MYT1L: variants seen among roughly 807,000 people sequenced by gnomAD.
MYT1L encodes myelin transcription factor 1 like, also known as myelin transcription factor 1-like protein.
Under a neutral mutation model 126.7 loss-of-function variants are expected in MYT1L, and 12 were observed. That is an observed-to-expected ratio of 0.09 (90% CI 0.06 to 0.15). The LOEUF (loss-of-function observed/expected upper bound fraction) is 0.15. Among genes scored for constraint, MYT1L ranks in the 10% least tolerant of loss-of-function variants. The pLI, the probability that MYT1L is intolerant of heterozygous loss-of-function variation, is 1.00. For synonymous variants in MYT1L, 541 were observed against 604.2 expected (o/e 0.90, Z 1.53); for missense variants, 979 against 1,585.2 (o/e 0.62, Z 6.49).
In MYT1L at chr2:2,117,446, T is replaced by C. The variant is rs927318651; in HGVS notation, c.-304+55426A>G. ...ATCACCGGGACTTCAGTGGGCATCG[T>C]TGGATCAGCAGGCGGACCGCCGTGT... is the stretch of plus-strand genomic sequence containing the variant. On this transcript the variant is annotated intron_variant, in intron 3 of 24. Transcript: ENST00000647738. 2.6e-5 allele frequency among the ~76,000 whole-genome samples: 4 copies of C among 152,208 alleles called. No homozygotes were observed. The East Asian group carries it at 7.8e-4, about 30-fold the overall frequency.
intron 5 of MYT1L, among the ~76,000 whole-genome samples, chr2:1,980,961 C>A (rs982422749): frequency 7.2e-5 from 11 of 152,148 alleles, no homozygotes; most frequent in Admixed American, 5.2e-4. Context: ...ACAGGGCACA[C>A]CAAAGCCACT....
chr2:1,981,016 A>G (rs1048076325), intron 5 of MYT1L, among the ~76,000 whole-genome samples: 2 of 151,958 alleles, frequency 1.3e-5, no homozygotes, highest in Non-Finnish European at 2.9e-5. Flanking sequence ...AGTGAAGAAG[A>G]CTCATTAGAT....
intron 3 of MYT1L, among the ~76,000 whole-genome samples, chr2:2,098,606 C>T (rs1284522612): frequency 1.3e-5 from 2 of 152,290 alleles, no homozygotes; most frequent in East Asian, 3.9e-4. Context: ...GCCAGGGGTC[C>T]TGCTAAACGC....
Position 2,297,619 on chromosome 2 carries a change from G to A in MYT1L, c.-520-13116C>T, listed in dbSNP as rs1479320560. 3.9e-5 allele frequency among the ~76,000 whole-genome samples: 6 copies of A among 152,142 alleles called. No homozygotes were observed. In the East Asian group the frequency reaches 9.6e-4, roughly 24 times the overall value. On this transcript the variant is annotated intron_variant, in intron 1 of 24. Coordinates refer to ENST00000647738, the MANE Select transcript of MYT1L (RefSeq NM_001303052.2). ...GCCTGTCTCCACTCTCCCCTTGGCC[G>A]TGCCAACAGTTGCATGTGCCACTCA...
chr2:1,822,603 C>T (rs2038708001), intron 21 of MYT1L, among the ~76,000 whole-genome samples: 1 of 152,206 alleles, frequency 6.6e-6, no homozygotes, highest in Admixed American at 6.5e-5. Flanking sequence ...AGCCTGTGTC[C>T]TTCGAGAGGG....
At chr2:2,311,092 C>A (rs1050488764) in intron 1 of MYT1L, among the ~76,000 whole-genome samples, 1 of 152,166 alleles carries the variant, frequency 6.6e-6, no homozygotes, top group African/African-American at 2.4e-5. Context: ...TCAGCTGTTT[C>A]TTGTGGTCCC....
chr2:2,266,343 A>C (rs376378143), intron 2 of MYT1L, among the ~76,000 whole-genome samples: 4 of 152,200 alleles, frequency 2.6e-5, no homozygotes, highest in African/African-American at 9.7e-5. Context: ...TGGAATTTGC[A>C]TCAGGAGCAG....
In MYT1L at chr2:2,176,577, C is replaced by T. The variant is rs371521902; in HGVS notation, c.-420-3589G>A. 4.3e-4 allele frequency among the ~76,000 whole-genome samples: 65 copies of T among 151,604 alleles called. 1 individual carries two copies. The highest frequency in any genetic ancestry group is 1.6e-3 in the African/African-American group (65 of 41,278). On this transcript the variant is annotated intron_variant, in intron 2 of 24. Coordinates refer to ENST00000647738, the MANE Select transcript of MYT1L (RefSeq NM_001303052.2). ...GCAGTGGCACGATCTTGGCTCACTG[C>T]AAGCTCCACCTCCTGTGTTCAAGTG...
In MYT1L at chr2:2,262,939, G is replaced by GATATATATATATATATAT. The variant is rs60682131; in HGVS notation, c.-421+21464_-421+21465insATATATATATATATATAT. Among the ~76,000 whole-genome samples the GATATATATATATATATAT allele has an allele frequency of 4.5e-3, 231 of 51,406 alleles. 12 individuals are homozygous for GATATATATATATATATAT. Among genetic ancestry groups the GATATATATATATATATAT allele is most frequent in the South Asian group, 0.029 (33 of 1,120 alleles). The allele number at this position is 51,406 out of a possible 152,430, so 33.7% of individuals were successfully genotyped here. On this transcript the variant is annotated intron_variant, in intron 2 of 24. Transcript: ENST00000647738. ...AAATATATATATATATATAACCTGT[G>GATATATATATATATATAT]ATATATATATATATATCACAGGTAA...
intron 3 of MYT1L, among the ~76,000 whole-genome samples, chr2:2,084,808 C>A (rs868292505): frequency 7.9e-5 from 12 of 152,158 alleles, no homozygotes; most frequent in African/African-American, 2.2e-4. Flanking sequence ...ATGATGAATA[C>A]AAGGATTTAA....
chr2:2,091,373 CT>C (rs1000750297), intron 3 of MYT1L, among the ~76,000 whole-genome samples: 1 of 152,034 alleles, frequency 6.6e-6, no homozygotes, highest in Admixed American at 6.6e-5. Context: ...TGAAAGAAAT[CT>C]TTTTTTTCTG....
At chr2:2,137,830 T>TTGGTAACAAAAGCCACAAC (rs1402197345) in intron 3 of MYT1L, among the ~76,000 whole-genome samples, 5 of 152,084 alleles carry the variant, frequency 3.3e-5, no homozygotes, top group African/African-American at 1.2e-4. Flanking sequence ...AAAGCCACAA[T>TTGGTAACAAAAGCCACAAC]TGACAAATGG....
At chr2:2,250,611 A>C (rs1367386668) in intron 2 of MYT1L, among the ~76,000 whole-genome samples, 3 of 151,980 alleles carry the variant, frequency 2.0e-5, no homozygotes, top group Admixed American at 6.6e-5. Context: ...TAGCACAACA[A>C]AGAGACTATA....
chr2:2,311,172 A>G (rs1378908777), intron 1 of MYT1L, among the ~76,000 whole-genome samples: 1 of 152,250 alleles, frequency 6.6e-6, no homozygotes, highest in African/African-American at 2.4e-5. Flanking sequence ...AAGAAACTTA[A>G]AGGTTTGATA....
At chr2:1,923,313 C>G (rs2053808186) in intron 9 of MYT1L, 50 bp from the exon 10 acceptor site, 1 of 1,479,804 alleles carries the variant, frequency 6.8e-7, no homozygotes, top group Non-Finnish European at 9.1e-7. Context: ...GAAAAAGTGG[C>G]TAGAACTGGA....
chr2:2,168,429 TCTTA>T (rs2089507776), intron 3 of MYT1L, among the ~76,000 whole-genome samples: 1 of 152,202 alleles, frequency 6.6e-6, no homozygotes, highest in Non-Finnish European at 1.5e-5. Context: ...AAGTTCTGGA[TCTTA>T]CTTTCACACT....
chr2:1,858,868 G>A (rs1453928452), intron 18 of MYT1L, among the ~76,000 whole-genome samples: 1 of 152,182 alleles, frequency 6.6e-6, no homozygotes. Context: ...CCTTCTCCCG[G>A]GTGGAGTCTC....
chr2:2,275,223 T>TGG (rs2095337252), intron 2 of MYT1L, among the ~76,000 whole-genome samples: 1 of 151,480 alleles, frequency 6.6e-6, no homozygotes, highest in African/African-American at 2.4e-5. Flanking sequence ...TGTGTGTGTG[T>TGG]GTGTGTGTGT....
At chr2:2,008,027 T>C (rs932885903) in intron 4 of MYT1L, among the ~76,000 whole-genome samples, 2 of 152,274 alleles carry the variant, frequency 1.3e-5, no homozygotes, top group Middle Eastern at 3.4e-3. Context: ...GAACCTACGA[T>C]TGGCTTTTTG....
Sources: gnomAD v4.1 joint callset for allele counts (sites outside exome capture counted in the v4.1 genomes callset) on GRCh38, gnomAD v4.1.1 for gene constraint, MANE v1.5 for transcripts, NCBI Gene and HGNC (gene_info 2026-07-23, HGNC 2026-07-21) for gene names.